Variants in ATXN1 observed in about 807,000 individuals in gnomAD.
The protein encoded by ATXN1 is ataxin-1.
In ATXN1, 8 loss-of-function variants were observed where a neutral mutation model predicts 56.4. That is an observed-to-expected ratio of 0.14 (90% CI 0.08 to 0.26). ATXN1 has a LOEUF of 0.26. Among genes scored for constraint, ATXN1 ranks in the 10% least tolerant of loss-of-function variants. The pLI is 1.00. For synonymous variants in ATXN1, 514 were observed against 494.6 expected, an observed-to-expected ratio of 1.04 and a Z score of -0.52; for missense variants, 987 against 1,106.5, an observed-to-expected ratio of 0.89 and a Z score of 1.53.
intron 6 of ATXN1, among the ~76,000 whole-genome samples, chr6:16,434,922 A>G (rs2113587367): frequency 6.6e-6 from 1 of 152,354 alleles, no homozygotes; most frequent in South Asian, 2.1e-4. Flanking sequence ...AAAACTCCAG[A>G]GAAGCTGTGG....
intron 6 of ATXN1, among the ~76,000 whole-genome samples, chr6:16,428,917 G>A (rs1372153097): frequency 6.6e-6 from 1 of 152,226 alleles, no homozygotes; most frequent in Non-Finnish European, 1.5e-5. Context: ...CCCTGAAGTA[G>A]AGGAAGGATT....
At chr6:16,754,459 C>G (rs990476121) in intron 1 of ATXN1, among the ~76,000 whole-genome samples, 1 of 152,020 alleles carries the variant, frequency 6.6e-6, no homozygotes, top group Non-Finnish European at 1.5e-5. Flanking sequence ...GTGAATAATC[C>G]GTAAACAGGT....
At chr6:16,360,941 G>A (rs970128378) in intron 6 of ATXN1, among the ~76,000 whole-genome samples, 5 of 152,186 alleles carry the variant, frequency 3.3e-5, no homozygotes, top group African/African-American at 7.2e-5. Flanking sequence ...AAGGTAAGAC[G>A]CCTGAAACTA....
chr6:16,363,878 G>C (rs901105107), intron 6 of ATXN1, among the ~76,000 whole-genome samples: 13 of 152,126 alleles, frequency 8.5e-5, no homozygotes, highest in African/African-American at 3.1e-4. Context: ...ATAAATATTG[G>C]GGCCATGCCA....
intron 5 of ATXN1, among the ~76,000 whole-genome samples, chr6:16,518,339 C>T (rs1761224694): frequency 6.6e-6 from 1 of 152,226 alleles, no homozygotes; most frequent in Admixed American, 6.5e-5. Flanking sequence ...CCAACGTGGC[C>T]TATGCCCCCT....
At chr6:16,412,862 C>T (rs973632968) in intron 6 of ATXN1, among the ~76,000 whole-genome samples, 3 of 152,342 alleles carry the variant, frequency 2.0e-5, no homozygotes, top group Non-Finnish European at 4.4e-5. Context: ...AGAGTGACTG[C>T]CTTGGGGAGA....
At chr6:16,568,006 G>A (rs547434904) in intron 4 of ATXN1, among the ~76,000 whole-genome samples, 111 of 152,118 alleles carry the variant, frequency 7.3e-4, no homozygotes, top group Non-Finnish European at 1.3e-3. Context: ...AATTATAAAC[G>A]TCAGAGCTCT....
chr6:16,692,569 C>G (rs1442149488), intron 2 of ATXN1, among the ~76,000 whole-genome samples: 2 of 152,048 alleles, frequency 1.3e-5, no homozygotes, highest in East Asian at 3.9e-4. Context: ...GTACAAATAC[C>G]TAATTTTTGG....
intron 4 of ATXN1, among the ~76,000 whole-genome samples, chr6:16,563,553 T>C (rs1762159848): frequency 6.6e-6 from 1 of 152,018 alleles, no homozygotes; most frequent in Non-Finnish European, 1.5e-5. Flanking sequence ...AACTGAGTTC[T>C]GAGGAAGAGA....
intron 5 of ATXN1, among the ~76,000 whole-genome samples, chr6:16,496,213 C>CT (rs1760779173): frequency 6.6e-6 from 1 of 152,006 alleles, no homozygotes; most frequent in Admixed American, 6.5e-5. Context: ...GAAAACTTCT[C>CT]TTTTTTTGGA....
chr6:16,556,397 T>C (rs181155569), intron 4 of ATXN1, among the ~76,000 whole-genome samples: 59 of 152,356 alleles, frequency 3.9e-4, no homozygotes, highest in African/African-American at 1.3e-3. Context: ...TTTTACTTCG[T>C]TGGCAAAAGA....
intron 2 of ATXN1, among the ~76,000 whole-genome samples, chr6:16,706,465 C>T (rs1759407719): frequency 6.6e-6 from 1 of 152,158 alleles, no homozygotes; most frequent in African/African-American, 2.4e-5. Flanking sequence ...TGGCTTATGC[C>T]TGTAATCCCA....
chr6:16,358,895 A>T (rs1761748404), intron 6 of ATXN1, among the ~76,000 whole-genome samples: 1 of 152,194 alleles, frequency 6.6e-6, no homozygotes, highest in African/African-American at 2.4e-5. Flanking sequence ...CTCCCATTCC[A>T]GGAAGCAGGC....
chr6:16,712,324 G>A (rs924481351), intron 2 of ATXN1, among the ~76,000 whole-genome samples: 5 of 152,126 alleles, frequency 3.3e-5, no homozygotes, highest in Non-Finnish European at 5.9e-5. Context: ...GAGGGTCTGT[G>A]GGGATAACCC....
chr6:16,382,227 G>T (rs187254542), intron 6 of ATXN1, among the ~76,000 whole-genome samples: 5 of 151,938 alleles, frequency 3.3e-5, no homozygotes, highest in Non-Finnish European at 7.4e-5. Flanking sequence ...GTGAACCTGG[G>T]AGGCGGAGCT....
chr6:16,326,749 G>A lies in ATXN1; in HGVS notation c.1562C>T (p.Thr521Met), dbSNP rs1429643942. 9 of 1,613,690 alleles carry A rather than the reference G, an allele frequency of 5.6e-6. No homozygotes were observed. The highest frequency in any genetic ancestry group is 2.2e-5 in the East Asian group (1 of 44,882). Residue 521 changes from threonine to methionine, a missense_variant, in exon 7 of 8, where the codon ACG becomes ATG. By Grantham distance (81) the Thr-to-Met change is moderately conservative. Transcript: ENST00000436367. The surrounding 1 kb of genome is among the most constrained non-coding windows in gnomAD (Gnocchi z 6.6). The stretch of plus-strand genomic sequence containing the variant: ...CTTGGGAAGGGCGGTGGTGACGAAC[G>A]TGTGAGGCACTGCAGCAAACTGGGG... ...SSPQFAAVPH[T>M]FVTTALPKSE...
At chr6:16,386,909 C>T (rs1350433474) in intron 6 of ATXN1, among the ~76,000 whole-genome samples, 1 of 152,122 alleles carries the variant, frequency 6.6e-6, no homozygotes, top group African/African-American at 2.4e-5. Flanking sequence ...TGGGCTCAAG[C>T]AATCTGCCTG....
intron 6 of ATXN1, among the ~76,000 whole-genome samples, chr6:16,346,896 G>A (rs1379189316): frequency 6.6e-6 from 1 of 152,244 alleles, no homozygotes; most frequent in East Asian, 1.9e-4. Context: ...AGGCGTGGGT[G>A]GGAACCCGGG....
chr6:16,492,557 TC>T lies in ATXN1; in HGVS notation c.-298-6449del, dbSNP rs1054336407. The stretch of plus-strand genomic sequence containing the variant: ...CAATCCACATATAATACAATACATT[TC>T]TTTTTTTTTTTGCTTGAATCACTTT... On this transcript the variant is annotated intron_variant, in intron 5 of 7. Coordinates refer to ENST00000436367, the MANE Select transcript of ATXN1 (RefSeq NM_001128164.2). Among the ~76,000 whole-genome samples, 12 of 20,388 alleles carry T rather than the reference TC, an allele frequency of 5.9e-4. No homozygotes were observed. The South Asian group carries it at 0.014, about 24-fold the overall frequency. The allele number at this position is 20,388 out of a possible 152,430, so 13.4% of individuals were successfully genotyped here. A position where few individuals can be genotyped will look rare whatever the true frequency, so the allele number is the denominator to read the frequency against.
Sources: gnomAD v4.1 joint callset for allele counts (sites outside exome capture counted in the v4.1 genomes callset) on GRCh38, gnomAD v4.1.1 for gene constraint, Gnocchi (gnomAD v3.1) non-coding constraint, MANE v1.5 for transcripts, NCBI Gene and HGNC (gene_info 2026-07-23, HGNC 2026-07-21) for gene names.